The following AKAIN1 variants were observed in gnomAD, a reference collection of about 807,000 sequenced individuals.
The protein encoded by AKAIN1 is A-kinase anchor protein inhibitor 1.
A neutral mutation model predicts 3.7 loss-of-function variants in AKAIN1; 3 were observed. The observed-to-expected ratio is 0.82, with a 90% CI of 0.37 to 2.12. The LOEUF (loss-of-function observed/expected upper bound fraction) is 2.12. Among genes scored for constraint, AKAIN1 ranks in the 30% most tolerant of loss-of-function variants. AKAIN1 has a pLI of 0.06. For missense variants in AKAIN1, 82 were observed against 82.7 expected, an observed-to-expected ratio of 0.99 and a Z score of 0.03; for synonymous variants, 31 against 30.8, an observed-to-expected ratio of 1.01 and a Z score of -0.02.
intron 1 of AKAIN1, among the ~76,000 whole-genome samples, chr18:5,175,184 T>C (rs1438562666): frequency 6.6e-6 from 1 of 152,178 alleles, no homozygotes; most frequent in African/African-American, 2.4e-5. Context: ...GTACAATTTG[T>C]CACTCCTTGC....
chr18:5,153,910 G>A (rs918061568), intron 1 of AKAIN1, among the ~76,000 whole-genome samples: 5 of 151,906 alleles, frequency 3.3e-5, no homozygotes, highest in East Asian at 1.9e-4. Flanking sequence ...GGGGAAGGGG[G>A]CATATAAGAA....
chr18:5,188,748 C>T (rs1202551189), intron 1 of AKAIN1, among the ~76,000 whole-genome samples: 3 of 152,036 alleles, frequency 2.0e-5, no homozygotes, highest in Non-Finnish European at 4.4e-5. Context: ...CAGCAAACAA[C>T]CCCGGGATGT....
rs181001412 is a variant in AKAIN1, at chr18:5,145,899, C to T, written c.17-144G>A. On this transcript the variant is annotated intron_variant, in intron 1 of 1. Coordinates refer to ENST00000434239, the MANE Select transcript of AKAIN1 (RefSeq NM_001145194.2). ...GGACCAGTTAACTATGAGAAGCCCA[C>T]TAGAGCACATACAATTGGGGGATTG... 5 of 662,924 alleles carry T rather than the reference C, an allele frequency of 7.5e-6. No homozygotes were observed. The Admixed American group carries it at 1.4e-4, about 19-fold the overall frequency. The allele number at this position is 662,924 out of a possible 1,614,324, so 41.1% of individuals were successfully genotyped here.
chr18:5,146,245 C>T (rs554437349), intron 1 of AKAIN1, among the ~76,000 whole-genome samples: 1 of 152,242 alleles, frequency 6.6e-6, no homozygotes, highest in Non-Finnish European at 1.5e-5. Flanking sequence ...TCCCCACTTC[C>T]TTCAGGAAAT....
At position 5,182,873 on chromosome 18, in the gene AKAIN1, C is replaced by A. The variant is rs1462957051; in HGVS notation, c.16+14165G>T. ...TCTAGGAACTGTGCAAGGACAGAGT[C>A]CATTTCTCTGCAAGAGAGAAGAGCA... On this transcript the variant is annotated intron_variant, in intron 1 of 1. Transcript: ENST00000434239. Among the ~76,000 whole-genome samples the A allele has an allele frequency of 2.6e-5, 4 of 152,074 alleles. No homozygotes were observed. In the East Asian group the frequency reaches 7.7e-4, roughly 29 times the overall value.
intron 1 of AKAIN1, among the ~76,000 whole-genome samples, chr18:5,189,133 G>A (rs2071304276): frequency 6.6e-6 from 1 of 152,116 alleles, no homozygotes; most frequent in Non-Finnish European, 1.5e-5. Context: ...AGGGAGCAGA[G>A]ACCCAAGACA....
chr18:5,160,286 T>A (rs921294330), intron 1 of AKAIN1, among the ~76,000 whole-genome samples: 1 of 152,194 alleles, frequency 6.6e-6, no homozygotes, highest in Non-Finnish European at 1.5e-5. Context: ...TTCAACCTGG[T>A]AAGCATGCAA....
chr18:5,149,012 A>G (rs1319070572), intron 1 of AKAIN1, among the ~76,000 whole-genome samples: 1 of 152,350 alleles, frequency 6.6e-6, no homozygotes, highest in African/African-American at 2.4e-5. Flanking sequence ...CAGCAGGACA[A>G]ATGCGAAACC....
At chr18:5,161,957 T>G (rs2071141877) in intron 1 of AKAIN1, among the ~76,000 whole-genome samples, 1 of 152,092 alleles carries the variant, frequency 6.6e-6, no homozygotes. Flanking sequence ...GGAACAGTAG[T>G]AAAAGATGGA....
In AKAIN1 at chr18:5,169,949, A is replaced by G. The variant is rs189872550; in HGVS notation, c.17-24194T>C. On this transcript the variant is annotated intron_variant, in intron 1 of 1. Coordinates refer to ENST00000434239, the MANE Select transcript of AKAIN1 (RefSeq NM_001145194.2). ...CAGCCTTTCAGGCCTGTGATGGCCT[A>G]AAGTTTTAATAACTATAACCATTTG... is the stretch of plus-strand genomic sequence containing the variant. 6.2e-4 allele frequency among the ~76,000 whole-genome samples: 94 copies of G among 152,324 alleles called. 4 individuals carry two copies. The East Asian group carries it at 0.011, about 18-fold the overall frequency.
At chr18:5,181,184 C>T (rs2071256169) in intron 1 of AKAIN1, among the ~76,000 whole-genome samples, 1 of 151,906 alleles carries the variant, frequency 6.6e-6, no homozygotes. Flanking sequence ...CCCTGCTACT[C>T]AGGAGGCTGA....
At chr18:5,188,432 A>G (rs1434083333) in intron 1 of AKAIN1, among the ~76,000 whole-genome samples, 1 of 152,020 alleles carries the variant, frequency 6.6e-6, no homozygotes, top group Non-Finnish European at 1.5e-5. Context: ...GCTTCTTGGT[A>G]CAGCTGACAC....
Position 5,190,813 on chromosome 18 carries a change from G to A in AKAIN1, c.16+6225C>T, listed in dbSNP as rs537911978. ...CAGAGAAAGAGATAATATCTCTCAT[G>A]TCTCTTTCTGTAAAGTTACTAGTTC... On this transcript the variant is annotated intron_variant, in intron 1 of 1. Transcript: ENST00000434239. 5.1e-4 allele frequency among the ~76,000 whole-genome samples: 78 copies of A among 152,156 alleles called. 1 individual carries two copies. The highest frequency in any genetic ancestry group is 4.3e-3 in the Admixed American group (65 of 15,264).
chr18:5,187,941 C>A (rs2071296789), intron 1 of AKAIN1, among the ~76,000 whole-genome samples: 1 of 152,054 alleles, frequency 6.6e-6, no homozygotes. Context: ...GAAATCAAAA[C>A]AAGTTACCTA....
intron 1 of AKAIN1, among the ~76,000 whole-genome samples, chr18:5,172,625 A>T (rs1022017378): frequency 2.0e-5 from 3 of 151,812 alleles, no homozygotes; most frequent in African/African-American, 7.3e-5. Flanking sequence ...CAAAGGCTAA[A>T]TGATTGCTGA....
intron 1 of AKAIN1, among the ~76,000 whole-genome samples, chr18:5,184,315 G>T (rs147111877): frequency 2.2e-4 from 34 of 152,038 alleles, no homozygotes; most frequent in African/African-American, 6.0e-4. Flanking sequence ...GCCGGTCCTA[G>T]TCAACATAGT....
At chr18:5,192,405 C>CTTTCTTTCTTTCTTTCTT (rs2071324818) in intron 1 of AKAIN1, among the ~76,000 whole-genome samples, 2 of 112,926 alleles carry the variant, frequency 1.8e-5, no homozygotes, top group Non-Finnish European at 3.8e-5. Context: ...TTCTTTCTTT[C>CTTTCTTTCTTTCTTTCTT]TTTCTTTCTT....
At chr18:5,150,395 G>C (rs1264514394) in intron 1 of AKAIN1, among the ~76,000 whole-genome samples, 2 of 152,190 alleles carry the variant, frequency 1.3e-5, no homozygotes, top group African/African-American at 4.8e-5. Flanking sequence ...GCAGACTGTT[G>C]CCTAGCTTTA....
chr18:5,169,087 C>T lies in AKAIN1; in HGVS notation c.17-23332G>A, dbSNP rs556882804. Among the ~76,000 whole-genome samples, 22 of 152,062 alleles carry T rather than the reference C, an allele frequency of 1.4e-4. No homozygotes were observed. In the South Asian group the frequency reaches 3.5e-3, roughly 24 times the overall value. On this transcript the variant is annotated intron_variant, in intron 1 of 1. Transcript: ENST00000434239. ...ATCTGGATAACCAGGGAAGAGTTAA[C>T]GTTGCAGTCTTGAGCCTGAATTCCT...
Sources: allele counts gnomAD v4.1 joint callset (sites outside exome capture counted in the v4.1 genomes callset), GRCh38; gene constraint gnomAD v4.1.1; transcripts MANE v1.5; gene names NCBI Gene and HGNC (gene_info 2026-07-23, HGNC 2026-07-21).